CACNA2D3: variants seen among roughly 807,000 people sequenced by gnomAD.
The protein encoded by CACNA2D3 is calcium voltage-gated channel auxiliary subunit alpha2delta 3, also known as voltage-dependent calcium channel subunit alpha-2/delta-3.
CACNA2D3 carries 60 observed loss-of-function variants against 160.6 expected under a neutral mutation model. The ratio of observed to expected loss-of-function variants is 0.37; its 90% confidence interval spans 0.30 to 0.46. CACNA2D3 has a LOEUF of 0.46. CACNA2D3 is among the 20% of genes least tolerant of loss of function. The probability of loss-of-function intolerance (pLI) is 1.00; values close to 1 mark genes in which losing one functional copy is unlikely to be tolerated. For synonymous variants in CACNA2D3, 558 were observed against 492.9 expected, an observed-to-expected ratio of 1.13 and a Z score of -1.75; for missense variants, 1,205 against 1,365.0, an observed-to-expected ratio of 0.88 and a Z score of 1.85.
At chr3:54,919,192 C>A (rs546962807) in intron 27 of CACNA2D3, among the ~76,000 whole-genome samples, 1 of 152,210 alleles carries the variant, frequency 6.6e-6, no homozygotes, top group Non-Finnish European at 1.5e-5. Flanking sequence ...GACAAGAAGG[C>A]ACGCTGGGGG....
At chr3:54,684,369 A>G (rs1700411274) in intron 11 of CACNA2D3, among the ~76,000 whole-genome samples, 1 of 152,150 alleles carries the variant, frequency 6.6e-6, no homozygotes, top group South Asian at 2.1e-4. Context: ...AATTAAGCCC[A>G]CATTTACAGG....
chr3:54,538,014 C>T (rs1701915565), intron 5 of CACNA2D3, among the ~76,000 whole-genome samples: 1 of 152,166 alleles, frequency 6.6e-6, no homozygotes, highest in Admixed American at 6.5e-5. Context: ...ACATTTTTCA[C>T]CCAGGAGTGC....
chr3:54,763,685 G>GTATATATATGTACATATATACATATATA (rs1260118229), intron 12 of CACNA2D3, among the ~76,000 whole-genome samples: 21 of 139,524 alleles, frequency 1.5e-4, no homozygotes, highest in Non-Finnish European at 2.3e-4. Flanking sequence ...ATGTATATAT[G>GTATATATATGTACATATATACATATATA]TGTGTATATA....
chr3:54,955,702 C>G (rs1164895121), intron 27 of CACNA2D3, among the ~76,000 whole-genome samples: 1 of 152,130 alleles, frequency 6.6e-6, no homozygotes, highest in Non-Finnish European at 1.5e-5. Flanking sequence ...GACAGCCTGG[C>G]TCTCCCCTGA....
chr3:54,637,996 C>A (rs535193090), intron 10 of CACNA2D3: 1 of 151,992 alleles, frequency 6.6e-6, no homozygotes, highest in Non-Finnish European at 1.5e-5. Flanking sequence ...ACAGTTCAGG[C>A]GTTTGGAAGT....
rs145989510 is a variant in CACNA2D3 at position 54,754,082 on chromosome 3, A to G, written c.1246+1405A>G. 3.7e-4 allele frequency among the ~76,000 whole-genome samples: 56 copies of G among 152,364 alleles called. No homozygotes were observed. The East Asian group carries it at 8.3e-3, about 23-fold the overall frequency. ...AATACTAGGACATAATAAGTGCTCA[A>G]TAATCCTTAGCTTTTTTATATTCAT... On this transcript the variant is annotated intron_variant, in intron 12 of 37. Transcript: ENST00000474759.
At chr3:54,890,925 C>T (rs1401200272) in intron 24 of CACNA2D3, among the ~76,000 whole-genome samples, 1 of 152,182 alleles carries the variant, frequency 6.6e-6, no homozygotes, top group Non-Finnish European at 1.5e-5. Flanking sequence ...GCAGATTCCA[C>T]AAATGATCTC....
chr3:54,555,961 T>C (rs760447947), intron 5 of CACNA2D3, among the ~76,000 whole-genome samples: 4 of 152,122 alleles, frequency 2.6e-5, no homozygotes, highest in South Asian at 2.1e-4. Flanking sequence ...AAATATAACA[T>C]GAACATGAAA....
intron 27 of CACNA2D3, among the ~76,000 whole-genome samples, chr3:54,968,107 T>C (rs1202528057): frequency 2.0e-5 from 3 of 152,178 alleles, no homozygotes; most frequent in Admixed American, 2.0e-4. Context: ...GAAGCAATAG[T>C]GATCTTTTGA....
intron 11 of CACNA2D3, among the ~76,000 whole-genome samples, chr3:54,645,936 C>T (rs1699625709): frequency 6.6e-6 from 1 of 151,910 alleles, no homozygotes; most frequent in South Asian, 2.1e-4. Flanking sequence ...GGGTACCTGC[C>T]TGAGCCCTTC....
intron 5 of CACNA2D3, among the ~76,000 whole-genome samples, chr3:54,546,051 G>A (rs965330657): frequency 1.3e-5 from 2 of 152,146 alleles, no homozygotes; most frequent in East Asian, 1.9e-4. Flanking sequence ...ATTCTGCCTC[G>A]GTAGGGTTAG....
intron 10 of CACNA2D3, chr3:54,638,560 A>G (rs1699431148): frequency 6.6e-6 from 1 of 151,840 alleles, no homozygotes; most frequent in Non-Finnish European, 1.5e-5. Flanking sequence ...GAGAGGTCAG[A>G]TGGGTCTGTA....
At chr3:54,258,560 T>G (rs1383251763) in intron 2 of CACNA2D3, among the ~76,000 whole-genome samples, 1 of 152,226 alleles carries the variant, frequency 6.6e-6, no homozygotes, top group Non-Finnish European at 1.5e-5. Flanking sequence ...CTCATGAGCC[T>G]GAAGCCACCT....
chr3:54,464,890 C>T (rs888163481), intron 4 of CACNA2D3, among the ~76,000 whole-genome samples: 21 of 152,296 alleles, frequency 1.4e-4, no homozygotes, highest in Admixed American at 8.5e-4. Context: ...AGCTGTAGAC[C>T]GGAGCTGTTC....
At chr3:54,964,818 AT>A (rs111676613) in intron 27 of CACNA2D3, among the ~76,000 whole-genome samples, 4,956 of 144,018 alleles carry the variant, frequency 0.034, 223 homozygotes, top group African/African-American at 0.11. Flanking sequence ...GGTTATTCTT[AT>A]TTTTTTTTTT....
At chr3:54,889,788 G>A (rs79702157) in intron 24 of CACNA2D3, among the ~76,000 whole-genome samples, 4,330 of 152,242 alleles carry the variant, frequency 0.028, 97 homozygotes, top group Non-Finnish European at 0.043. Context: ...AGCTGGCAAC[G>A]AATTGAGCCT....
chr3:54,338,656 A>T (rs1285616581), intron 3 of CACNA2D3, among the ~76,000 whole-genome samples: 1 of 152,020 alleles, frequency 6.6e-6, no homozygotes, highest in Non-Finnish European at 1.5e-5. Flanking sequence ...CCACTTGATT[A>T]TTGGTGAAGA....
At chr3:54,743,568 T>C (rs1049174621) in intron 11 of CACNA2D3, among the ~76,000 whole-genome samples, 1 of 152,236 alleles carries the variant, frequency 6.6e-6, no homozygotes, top group Non-Finnish European at 1.5e-5. Context: ...TTTATGAACA[T>C]AACCATTGCC....
At chr3:54,459,490 T>A (rs1280784948) in intron 4 of CACNA2D3, among the ~76,000 whole-genome samples, 8 of 151,706 alleles carry the variant, frequency 5.3e-5, no homozygotes, top group South Asian at 4.2e-4. Flanking sequence ...GGTATCTCAT[T>A]GTGGTTTTGA....
Sources: allele counts gnomAD v4.1 joint callset (sites outside exome capture counted in the v4.1 genomes callset), GRCh38; gene constraint gnomAD v4.1.1; transcripts MANE v1.5; gene names NCBI Gene and HGNC (gene_info 2026-07-23, HGNC 2026-07-21).